Variants in PCDHGA4 observed in about 807,000 individuals in gnomAD.
The protein encoded by PCDHGA4 is protocadherin gamma-A4.
A neutral mutation model predicts 54.6 loss-of-function variants in PCDHGA4; 38 were observed. That is an observed-to-expected ratio of 0.70 (90% confidence interval 0.54 to 0.91). The LOEUF is 0.91. Ranked by LOEUF, PCDHGA4 falls within the 40% of genes least tolerant of loss-of-function variation. PCDHGA4 has a pLI of 0.00. For synonymous variants in PCDHGA4, 511 were observed against 512.9 expected (o/e 1.00, Z 0.05); for missense variants, 1,298 against 1,220.9 (o/e 1.06, Z -0.94).
intron 1 of PCDHGA4, among the ~76,000 whole-genome samples, chr5:141,468,088 G>T (rs186503104): frequency 6.6e-6 from 1 of 152,186 alleles, no homozygotes; most frequent in East Asian, 1.9e-4. Context: ...ACTTTGGGAG[G>T]TTGAGGCAGG....
chr5:141,364,532 T>A (rs1461835311), intron 1 of PCDHGA4: 2 of 1,613,962 alleles, frequency 1.2e-6, no homozygotes. Flanking sequence ...CCGCATCGTC[T>A]CCAGAGGTAG....
At chr5:141,463,165 C>G (rs1042153238) in intron 1 of PCDHGA4, among the ~76,000 whole-genome samples, 1 of 152,148 alleles carries the variant, frequency 6.6e-6, no homozygotes, top group Non-Finnish European at 1.5e-5. Context: ...TCAGTGCACT[C>G]TATGTATGCT....
chr5:141,476,772 G>A lies in PCDHGA4; in HGVS notation c.2515-18035G>A. 1 of 1,613,650 alleles carries A rather than the reference G, an allele frequency of 6.2e-7. No homozygotes were observed. Among genetic ancestry groups the A allele is most frequent in the South Asian group, 1.1e-5 (1 of 91,086 alleles). ...CAGTTAGTGCTGACGGCGTTGGACG[G>A]AGGGACCCCAGCTCTCTCCGCCAGC... is the stretch of plus-strand genomic sequence containing the variant. On this transcript the variant is annotated intron_variant, in intron 1 of 3. Coordinates refer to ENST00000571252, the MANE Select transcript of PCDHGA4 (RefSeq NM_018917.4). The surrounding 1 kb of genome is among the most constrained non-coding windows in gnomAD (Gnocchi z 7.6).
intron 1 of PCDHGA4, among the ~76,000 whole-genome samples, chr5:141,473,057 A>G (rs2099313037): frequency 2.6e-5 from 4 of 152,056 alleles, no homozygotes; most frequent in Non-Finnish European, 5.9e-5. Flanking sequence ...AAGTGATACA[A>G]CAAGTTACAG....
At chr5:141,360,412 G>A in intron 1 of PCDHGA4, 1 of 1,613,978 alleles carries the variant, frequency 6.2e-7, no homozygotes, top group Non-Finnish European at 8.5e-7. Flanking sequence ...AATAGACCGA[G>A]AACAGATATG....
intron 1 of PCDHGA4, chr5:141,373,979 C>A: frequency 9.0e-7 from 1 of 1,107,704 alleles, no homozygotes; most frequent in Non-Finnish European, 1.2e-6. Context: ...CGCATCCGGT[C>A]TCTGCTTGTT....
intron 1 of PCDHGA4, chr5:141,377,439 GA>G (rs1279056265): frequency 3.3e-5 from 5 of 151,486 alleles, no homozygotes; most frequent in Non-Finnish European, 2.9e-5. Flanking sequence ...CTACCAAAAA[GA>G]AAAAAAAGTA....
intron 1 of PCDHGA4, chr5:141,375,850 C>A (rs931838448): frequency 1.9e-6 from 3 of 1,614,070 alleles, no homozygotes; most frequent in East Asian, 2.2e-5. Context: ...ACCTGGTGAC[C>A]AAGGTGGTGG....
At chr5:141,405,035 G>C in intron 1 of PCDHGA4, 1 of 1,613,964 alleles carries the variant, frequency 6.2e-7, no homozygotes, top group South Asian at 1.1e-5. Context: ...CTACCTCGTT[G>C]TGGCTGTGGC....
chr5:141,423,755 G>GC (rs542747697), intron 1 of PCDHGA4: 5,773 of 512,484 alleles, frequency 0.011, 63 homozygotes, highest in Non-Finnish European at 0.014. Context: ...CTGTTTGGGG[G>GC]GGGGGTGGGG....
chr5:141,479,679 T>A (rs1211872684), intron 1 of PCDHGA4: 1 of 152,258 alleles, frequency 6.6e-6, no homozygotes, highest in East Asian at 1.9e-4. Flanking sequence ...AAGGAGAGTC[T>A]TTTTGGTGCC....
chr5:141,372,340 G>C, intron 1 of PCDHGA4: 1 of 1,613,790 alleles, frequency 6.2e-7, no homozygotes, highest in Non-Finnish European at 8.5e-7. Flanking sequence ...GTGCGTGATG[G>C]AGGACAGCAG....
At chr5:141,376,298 C>T in intron 1 of PCDHGA4, 1 of 1,614,206 alleles carries the variant, frequency 6.2e-7, no homozygotes, top group South Asian at 1.1e-5. Context: ...GCCCGGCTCG[C>T]ACTTTGTGGG....
chr5:141,442,751 T>G (rs756672976), intron 1 of PCDHGA4, among the ~76,000 whole-genome samples: 1 of 152,196 alleles, frequency 6.6e-6, no homozygotes, highest in Non-Finnish European at 1.5e-5. Context: ...CATGTTTTGA[T>G]TATATATATT....
intron 1 of PCDHGA4, chr5:141,384,846 C>T: frequency 1.2e-6 from 2 of 1,613,586 alleles, no homozygotes; most frequent in Non-Finnish European, 1.7e-6. Context: ...TCCAGGACCA[C>T]GGTCAGCCTC....
rs375101471 is a variant in PCDHGA4 at position 141,365,778 on chromosome 5, A to G, written c.2514+8157A>G. 86 of 1,613,764 alleles carry G rather than the reference A, an allele frequency of 5.3e-5. No homozygotes were observed. The highest frequency in any genetic ancestry group is 6.9e-5 in the Non-Finnish European group (82 of 1,179,892). ...ACAGCCCATGACCCCGACAGCGGCG[A>G]CAACGCTCGAGTCACCTACTCCCTG... On this transcript the variant is annotated intron_variant, in intron 1 of 3. Coordinates refer to ENST00000571252, the MANE Select transcript of PCDHGA4 (RefSeq NM_018917.4).
At chr5:141,430,842 G>A (rs935750449) in intron 1 of PCDHGA4, 4 of 1,567,068 alleles carry the variant, frequency 2.6e-6, no homozygotes, top group Non-Finnish European at 3.4e-6. Flanking sequence ...GAGACCGGAT[G>A]CACCCAGATA....
At chr5:141,398,910 G>A (rs1465229535) in intron 1 of PCDHGA4, 1 of 1,613,972 alleles carries the variant, frequency 6.2e-7, no homozygotes, top group South Asian at 1.1e-5. Flanking sequence ...GCACCACTGT[G>A]TTGCAAGTGT....
chr5:141,397,271 T>C (rs552218945), intron 1 of PCDHGA4, among the ~76,000 whole-genome samples: 1 of 152,312 alleles, frequency 6.6e-6, no homozygotes, highest in East Asian at 1.9e-4. Context: ...AGCTACATCA[T>C]ATGGGCAGTA....
Sources: gnomAD v4.1 joint callset for allele counts (sites outside exome capture counted in the v4.1 genomes callset) on GRCh38, gnomAD v4.1.1 for gene constraint, Gnocchi (gnomAD v3.1) non-coding constraint, MANE v1.5 for transcripts, NCBI Gene and HGNC (gene_info 2026-07-23, HGNC 2026-07-21) for gene names.